The following CUBN variants were observed in gnomAD, a reference collection of about 807,000 sequenced individuals.
The protein encoded by CUBN is 460 kDa receptor.
In CUBN, 282 loss-of-function variants were observed where a neutral mutation model predicts 405.3. That is an observed-to-expected ratio of 0.70 (90% CI 0.63 to 0.77). The LOEUF is 0.77. Among genes scored for constraint, CUBN ranks in the 30% least tolerant of loss-of-function variants. The pLI is 0.00. For synonymous variants in CUBN, 1,684 were observed against 1,617.0 expected (o/e 1.04, Z -0.99); for missense variants, 4,514 against 4,475.2 (o/e 1.01, Z -0.25).
intron 59 of CUBN, among the ~76,000 whole-genome samples, chr10:16,858,177 C>T (rs904310498): frequency 1.3e-5 from 2 of 152,034 alleles, no homozygotes; most frequent in Non-Finnish European, 2.9e-5. Context: ...AGTCTAGATA[C>T]ATATATGTTC....
chr10:16,935,675 C>G lies in CUBN; in HGVS notation c.5926+1917G>C, dbSNP rs142120414. ...TGGGCAGATCATGAGGTCAGGAGAT[C>G]GAGACCATCCTGCCTAACACGGTGA... On this transcript the variant is annotated intron_variant, in intron 39 of 66. Transcript: ENST00000377833. Among the ~76,000 whole-genome samples, 10 of 151,892 alleles carry G rather than the reference C, an allele frequency of 6.6e-5. No homozygotes were observed. The East Asian group carries it at 1.9e-3, about 30-fold the overall frequency.
rs571134974 is a variant in CUBN, at chr10:17,109,744, A to C, written c.1016-9T>G. ...TCCGTCACCCTGGTACCCTGATGAG[A>C]ACAAGAGCCAGGTCATAAGAAACAA... On this transcript the variant is annotated splice_polypyrimidine_tract_variant and intron_variant, in intron 9 of 66. Transcript: ENST00000377833. 1.2e-6 allele frequency: 2 copies of C among 1,607,758 alleles called. No homozygotes were observed. The highest frequency in any genetic ancestry group is 3.3e-5 in the Admixed American group (2 of 60,008).
chr10:17,057,488 C>T (rs10904869), intron 22 of CUBN, among the ~76,000 whole-genome samples: 52,357 of 151,848 alleles, frequency 0.34, 11,230 homozygotes, highest in East Asian at 0.53. Context: ...AATTGTCAAT[C>T]ATATAGGTGG....
Position 16,928,076 on chromosome 10 carries a change from A to G in CUBN, c.6271+81T>C. ...GTCTTGTGTCCTGGTGCCCAAAAACATTATATTAGGAAGAGAGAAAGAGAG... is the reference window on the plus strand; with the variant it reads ...GTCTTGTGTCCTGGTGCCCAAAAACGTTATATTAGGAAGAGAGAAAGAGAG... On this transcript the variant is annotated intron_variant, in intron 41 of 66. Coordinates refer to ENST00000377833, the MANE Select transcript of CUBN (RefSeq NM_001081.4). 2.0e-6 allele frequency: 3 copies of G among 1,518,842 alleles called. No individual in the cohort carries two copies. In the Admixed American group the frequency reaches 5.1e-5, roughly 26 times the overall value. 94.1% of individuals were successfully genotyped at this position (1,518,842 alleles called of 1,614,324 possible).
intron 28 of CUBN, among the ~76,000 whole-genome samples, chr10:16,997,160 G>A (rs1478880963): frequency 6.6e-6 from 1 of 152,206 alleles, no homozygotes; most frequent in Non-Finnish European, 1.5e-5. Flanking sequence ...TGTGGGCTGG[G>A]CGCAGTGGCT....
At chr10:16,940,870 C>A (rs1376203865) in intron 36 of CUBN, among the ~76,000 whole-genome samples, 1 of 152,078 alleles carries the variant, frequency 6.6e-6, no homozygotes, top group Non-Finnish European at 1.5e-5. Flanking sequence ...CACTTAAATG[C>A]GCTGCAAAGG....
chr10:16,836,957 G>C (rs868530079), intron 62 of CUBN, among the ~76,000 whole-genome samples: 1 of 152,058 alleles, frequency 6.6e-6, no homozygotes, highest in Non-Finnish European at 1.5e-5. Context: ...CAGTTCTTGG[G>C]TAAAAACAAG....
intron 26 of CUBN, 110 bp from the exon 27 acceptor site, chr10:17,041,330 C>A: frequency 1.2e-6 from 1 of 823,744 alleles, no homozygotes; most frequent in East Asian, 2.6e-5. Flanking sequence ...TATGTACACA[C>A]ACACATATAT....
chr10:17,101,805 C>A (rs1399995636), intron 13 of CUBN, among the ~76,000 whole-genome samples: 2 of 152,102 alleles, frequency 1.3e-5, no homozygotes, highest in African/African-American at 4.8e-5. Context: ...ACCACATGCA[C>A]CTGGACACAC....
intron 14 of CUBN, among the ~76,000 whole-genome samples, chr10:17,098,565 T>TC (rs1836428402): frequency 6.6e-6 from 1 of 152,114 alleles, no homozygotes; most frequent in Non-Finnish European, 1.5e-5. Context: ...GTATTGAAGG[T>TC]CCTAGCCAGG....
chr10:17,008,104 T>C (rs1588575280), intron 28 of CUBN, among the ~76,000 whole-genome samples: 1 of 152,188 alleles, frequency 6.6e-6, no homozygotes, highest in East Asian at 1.9e-4. Flanking sequence ...TGAGCTGAGA[T>C]TGCGCCACTG....
At chr10:17,060,880 G>T (rs1416059290) in intron 22 of CUBN, among the ~76,000 whole-genome samples, 1 of 151,880 alleles carries the variant, frequency 6.6e-6, no homozygotes, top group African/African-American at 2.4e-5. Context: ...GTGAAACCCT[G>T]TCTCTACTAA....
chr10:16,888,369 ATTTT>A (rs1171649096), intron 56 of CUBN, 44 bp downstream of exon 56: 16 of 1,462,132 alleles, frequency 1.1e-5, no homozygotes, highest in Non-Finnish European at 1.5e-5. Context: ...TAAATATACA[ATTTT>A]TGTTTGTCAA....
intron 59 of CUBN, among the ~76,000 whole-genome samples, chr10:16,864,901 C>T (rs1051479340): frequency 1.3e-5 from 2 of 149,676 alleles, no homozygotes; most frequent in African/African-American, 2.4e-5. Flanking sequence ...TCACACACCT[C>T]GGCCTCCCAA....
intron 54 of CUBN, among the ~76,000 whole-genome samples, chr10:16,892,114 G>A (rs1273918129): frequency 1.3e-5 from 2 of 152,182 alleles, no homozygotes; most frequent in East Asian, 1.9e-4. Context: ...CATAGCAAGA[G>A]ATGTGAAATA....
chr10:16,936,093 G>C (rs941960041), intron 39 of CUBN, among the ~76,000 whole-genome samples: 5 of 151,156 alleles, frequency 3.3e-5, no homozygotes, highest in Non-Finnish European at 7.4e-5. Context: ...TTTTCTTCTT[G>C]ACTAAGAAAA....
intron 36 of CUBN, among the ~76,000 whole-genome samples, chr10:16,941,734 T>A (rs1177068772): frequency 6.6e-6 from 1 of 151,960 alleles, no homozygotes. Context: ...CCCAGCTACT[T>A]GGGAGGCTGA....
chr10:16,949,143 C>T (rs956690692), intron 34 of CUBN, among the ~76,000 whole-genome samples: 1 of 152,182 alleles, frequency 6.6e-6, no homozygotes, highest in Non-Finnish European at 1.5e-5. Flanking sequence ...CTATTTATAA[C>T]ATACTGAGAA....
intron 31 of CUBN, among the ~76,000 whole-genome samples, chr10:16,965,199 C>A (rs1393263616): frequency 6.6e-6 from 1 of 152,136 alleles, no homozygotes; most frequent in Non-Finnish European, 1.5e-5. Flanking sequence ...TTGCCTAGGC[C>A]ACTACAACAC....
Sources: gnomAD v4.1 joint callset for allele counts (sites outside exome capture counted in the v4.1 genomes callset) on GRCh38, gnomAD v4.1.1 for gene constraint, MANE v1.5 for transcripts, NCBI Gene and HGNC (gene_info 2026-07-23, HGNC 2026-07-21) for gene names.